TMTC2: variants seen among roughly 807,000 people sequenced by gnomAD.
The protein encoded by TMTC2 is protein O-mannosyl-transferase TMTC2.
In TMTC2, 43 loss-of-function variants were observed where a neutral mutation model predicts 82.4. The ratio of observed to expected loss-of-function variants is 0.52; its 90% CI spans 0.41 to 0.67. The LOEUF (loss-of-function observed/expected upper bound fraction) is 0.67. Among genes scored for constraint, TMTC2 ranks in the 30% least tolerant of loss-of-function variants. The probability of loss-of-function intolerance (pLI) is 0.00; values close to 1 mark genes in which losing one functional copy is unlikely to be tolerated. For synonymous variants in TMTC2, 408 were observed against 381.9 expected (o/e 1.07, Z -0.80); for missense variants, 919 against 1,012.4 (o/e 0.91, Z 1.25).
At chr12:82,765,252 T>G (rs1467905716) in intron 1 of TMTC2, among the ~76,000 whole-genome samples, 1 of 152,196 alleles carries the variant, frequency 6.6e-6, no homozygotes, top group African/African-American at 2.4e-5. Flanking sequence ...TCAAAGCACC[T>G]TTCTATATGA....
chr12:82,847,126 A>G (rs751338532), intron 1 of TMTC2, among the ~76,000 whole-genome samples: 2 of 152,188 alleles, frequency 1.3e-5, no homozygotes, highest in Admixed American at 1.3e-4. Flanking sequence ...CTATTAGCCA[A>G]GTATTTGCAT....
chr12:83,102,884 G>A lies in TMTC2; in HGVS notation c.2332-29326G>A, dbSNP rs1374410431. Among the ~76,000 whole-genome samples, 3 of 152,078 alleles carry A rather than the reference G, an allele frequency of 2.0e-5. No individual in the cohort carries two copies. The East Asian group carries it at 5.8e-4, about 29-fold the overall frequency. On this transcript the variant is annotated intron_variant, in intron 11 of 11. Coordinates refer to ENST00000321196, the MANE Select transcript of TMTC2 (RefSeq NM_152588.3). ...ATAGACTAAACTAAACTATTCCAAA[G>A]CCAACTCTTAAAATCATCAAAATTT...
At chr12:83,049,635 G>T (rs573793069) in intron 9 of TMTC2, among the ~76,000 whole-genome samples, 1 of 152,284 alleles carries the variant, frequency 6.6e-6, no homozygotes, top group African/African-American at 2.4e-5. Flanking sequence ...ATACATGCAT[G>T]TGTCTATGAT....
Position 83,004,722 on chromosome 12 carries a change from A to ATTTTTTTTTTTTTTTTT in TMTC2, c.2070+18705_2070+18721dup, listed in dbSNP as rs528076999. Among the ~76,000 whole-genome samples the ATTTTTTTTTTTTTTTTT allele has an allele frequency of 4.4e-4, 16 of 36,032 alleles. 6 individuals are homozygous for ATTTTTTTTTTTTTTTTT. Among genetic ancestry groups the ATTTTTTTTTTTTTTTTT allele is most frequent in the Non-Finnish European group, 7.9e-4 (15 of 18,964 alleles). The allele number at this position is 36,032 out of a possible 152,430, so 23.6% of individuals were successfully genotyped here. On this transcript the variant is annotated intron_variant, in intron 8 of 11. Transcript: ENST00000321196. ...TTCACAGGCAGTGTATACTGGCCGA[A>ATTTTTTTTTTTTTTTTT]TTTTTTTTTTTTTTTTTTTTTTTTT...
chr12:82,756,487 G>T (rs559365380), intron 1 of TMTC2, among the ~76,000 whole-genome samples: 40 of 152,294 alleles, frequency 2.6e-4, no homozygotes, highest in South Asian at 1.0e-3. Flanking sequence ...GCCTCCCTGC[G>T]TTGGCAGGTA....
chr12:83,041,648 A>G (rs1881900320), intron 9 of TMTC2, among the ~76,000 whole-genome samples: 1 of 152,226 alleles, frequency 6.6e-6, no homozygotes, highest in African/African-American at 2.4e-5. Flanking sequence ...CTTTACATGT[A>G]AACAAAAAGA....
At chr12:82,803,982 G>A (rs1167818559) in intron 1 of TMTC2, among the ~76,000 whole-genome samples, 1 of 152,058 alleles carries the variant, frequency 6.6e-6, no homozygotes, top group Non-Finnish European at 1.5e-5. Context: ...GAGGAGGCAA[G>A]AATTGAGGTT....
At chr12:82,969,611 A>G (rs1032117704) in intron 7 of TMTC2, among the ~76,000 whole-genome samples, 4 of 152,314 alleles carry the variant, frequency 2.6e-5, no homozygotes, top group East Asian at 1.9e-4. Context: ...CCACATGCCA[A>G]TCGACTTATC....
At chr12:82,967,711 T>C (rs1878275090) in intron 7 of TMTC2, among the ~76,000 whole-genome samples, 1 of 152,108 alleles carries the variant, frequency 6.6e-6, no homozygotes, top group African/African-American at 2.4e-5. Flanking sequence ...TAATGACTAA[T>C]TAATATTGCT....
chr12:83,010,738 G>A lies in TMTC2; in HGVS notation c.2071-20060G>A, dbSNP rs188233133. On this transcript the variant is annotated intron_variant, in intron 8 of 11. Transcript: ENST00000321196. ...GTATCTTAATATATCAGGAACCACC[G>A]ATATTCGTGAGATATGCCATATATT... 6.2e-3 allele frequency among the ~76,000 whole-genome samples: 937 copies of A among 152,240 alleles called. 5 individuals carry two copies. The highest frequency in any genetic ancestry group is 0.034 in the Middle Eastern group (10 of 294).
In TMTC2 at chr12:82,965,754, A is replaced by G. The variant is rs1005583968; in HGVS notation, c.1869+10A>G. ...GCAGGGACACTATGAGGTCTGGCCA[A>G]TGCCTCTCTGTCCTTTTCCCTCCCC... On this transcript the variant is annotated intron_variant, in intron 6 of 11. Transcript: ENST00000321196. The G allele has an allele frequency of 1.9e-5, 31 of 1,613,348 alleles. No individual in the cohort carries two copies. Among genetic ancestry groups the G allele is most frequent in the East Asian group, 4.5e-5 (2 of 44,846 alleles).
chr12:83,025,402 A>T (rs1431855172), intron 8 of TMTC2, among the ~76,000 whole-genome samples: 4 of 150,166 alleles, frequency 2.7e-5, no homozygotes, highest in African/African-American at 9.7e-5. Flanking sequence ...ATATATTTAC[A>T]TATAAATGTA....
chr12:83,014,187 G>A lies in TMTC2; in HGVS notation c.2071-16611G>A, dbSNP rs547813177. Among the ~76,000 whole-genome samples, 13 of 152,260 alleles carry A rather than the reference G, an allele frequency of 8.5e-5. 1 individual carries two copies. The South Asian group carries it at 2.3e-3, about 27-fold the overall frequency. ...TTGTTTTATTATTATTTTTGAGACA[G>A]CATCTGGCTCTGTCACCCAGGCTGG... On this transcript the variant is annotated intron_variant, in intron 8 of 11. Coordinates refer to ENST00000321196, the MANE Select transcript of TMTC2 (RefSeq NM_152588.3).
At chr12:82,722,492 G>A (rs987296324) in intron 1 of TMTC2, among the ~76,000 whole-genome samples, 11 of 147,672 alleles carry the variant, frequency 7.4e-5, no homozygotes, top group South Asian at 4.4e-4. Context: ...GCGTGAACCC[G>A]GGAGGCAGAG....
chr12:82,746,262 CAACT>C (rs1229808740), intron 1 of TMTC2, among the ~76,000 whole-genome samples: 5 of 152,172 alleles, frequency 3.3e-5, no homozygotes, highest in African/African-American at 9.7e-5. Flanking sequence ...TGTATTGAGA[CAACT>C]AACATCAACA....
intron 8 of TMTC2, among the ~76,000 whole-genome samples, chr12:83,012,069 G>A (rs1880487868): frequency 6.6e-6 from 1 of 152,088 alleles, no homozygotes; most frequent in Admixed American, 6.5e-5. Flanking sequence ...TCTGTTATCT[G>A]TGCTCTCATG....
In TMTC2 at chr12:82,686,931, A is replaced by T. The variant is rs1426907631; in HGVS notation, c.-656A>T. Reference sequence around the variant, plus strand: ...GAGAACCCCACGCGGGAGCTTCTGGAGTCTCCAGCCACCGCTTCTCACTTC... The same window carrying T: ...GAGAACCCCACGCGGGAGCTTCTGGTGTCTCCAGCCACCGCTTCTCACTTC... On this transcript the variant is annotated 5_prime_UTR_variant, in exon 1 of 12. Coordinates refer to ENST00000321196, the MANE Select transcript of TMTC2 (RefSeq NM_152588.3). 1 of 153,284 alleles carries T rather than the reference A, an allele frequency of 6.5e-6. No individual in the cohort carries two copies. The highest frequency in any genetic ancestry group is 1.5e-5 in the Non-Finnish European group (1 of 68,544). 9.5% of individuals were successfully genotyped at this position (153,284 alleles called of 1,614,324 possible). A position where few individuals can be genotyped will look rare whatever the true frequency, so the allele number is the denominator to read the frequency against.
At chr12:83,127,202 TTGAG>T (rs1294009404) in intron 11 of TMTC2, among the ~76,000 whole-genome samples, 27 of 152,290 alleles carry the variant, frequency 1.8e-4, no homozygotes, top group Middle Eastern at 3.4e-3. Flanking sequence ...TGTGTATTAA[TTGAG>T]TAATAACTAG....
intron 11 of TMTC2, among the ~76,000 whole-genome samples, chr12:83,107,862 G>A (rs1447249841): frequency 6.6e-6 from 1 of 152,090 alleles, no homozygotes; most frequent in Non-Finnish European, 1.5e-5. Flanking sequence ...TGGTGTCCCT[G>A]CCCAAATCTC....
Sources: allele counts gnomAD v4.1 joint callset (sites outside exome capture counted in the v4.1 genomes callset), GRCh38; gene constraint gnomAD v4.1.1; transcripts MANE v1.5; gene names NCBI Gene and HGNC (gene_info 2026-07-23, HGNC 2026-07-21).